FMO4: variants seen among roughly 807,000 people sequenced by gnomAD.
FMO4 encodes dimethylaniline monooxygenase [N-oxide-forming] 4.
A neutral mutation model predicts 43.3 loss-of-function variants in FMO4; 38 were observed. That is an observed-to-expected ratio of 0.88 (90% CI 0.68 to 1.15). FMO4 has a LOEUF of 1.15. FMO4 is among the 50% of genes most tolerant of loss of function. The pLI is 0.00. For synonymous variants in FMO4, 224 were observed against 232.2 expected (o/e 0.96, Z 0.32); for missense variants, 631 against 663.3 (o/e 0.95, Z 0.54).
Position 171,316,503 on chromosome 1 carries a change from C to G in FMO4, c.-9+176C>G, listed in dbSNP as rs186936841. On this transcript the variant is annotated intron_variant, in intron 2 of 9. Transcript: ENST00000367749. ...AAGTAATATCAAGTTTTTTAAAATG[C>G]AAACAATCCTTCAACATAGATATTT... is the stretch of plus-strand genomic sequence containing the variant. 2.6e-5 allele frequency among the ~76,000 whole-genome samples: 4 copies of G among 152,112 alleles called. No individual in the cohort carries two copies. In the East Asian group the frequency reaches 7.7e-4, roughly 29 times the overall value.
Position 171,319,914 on chromosome 1 carries a change from G to A in FMO4, c.89G>A (p.Cys30Tyr). Residue 30 changes from cysteine (C) to tyrosine (Y), a missense_variant, in exon 3 of 10, where the codon TGC becomes TAC. Physicochemically the swap from Cys to Tyr is radical, Grantham distance 194 (BLOSUM62 -2). Transcript: ENST00000367749. ...GTGGATGAGGACCTGGAGCCCACCT[G>A]CTTTGAGAGAAGTGATGACATTGGG... ...CCVDEDLEPT[C>Y]FERSDDIGGL... 6.2e-7 allele frequency: 1 copy of A among 1,613,890 alleles called. No individual in the cohort carries two copies. Among genetic ancestry groups the A allele is most frequent in the Non-Finnish European group, 8.5e-7 (1 of 1,179,822 alleles).
chr1:171,342,073 T>G lies in FMO4; in HGVS notation c.*234T>G. The G allele has an allele frequency of 2.1e-6, 1 of 483,690 alleles. No individual in the cohort carries two copies. Among genetic ancestry groups the G allele is most frequent in the South Asian group, 2.7e-5 (1 of 37,364 alleles). The allele number at this position is 483,690 out of a possible 1,614,324, so 30.0% of individuals were successfully genotyped here. A position where few individuals can be genotyped will look rare whatever the true frequency, so the allele number is the denominator to read the frequency against. ...GTGATTATTCTAAAATAAATATATA[T>G]GATATGGTTTAGCTGTGTCCCCACC... is the stretch of plus-strand genomic sequence containing the variant. On this transcript the variant is annotated 3_prime_UTR_variant, in exon 10 of 10. Transcript: ENST00000367749.
chr1:171,319,857 G>T lies in FMO4; in HGVS notation c.32G>T (p.Gly11Val), dbSNP rs770560362. 6.2e-7 allele frequency: 1 copy of T among 1,613,918 alleles called. No homozygotes were observed. Among genetic ancestry groups the T allele is most frequent in the Admixed American group, 1.7e-5 (1 of 60,010 alleles). ...AAGAAAGTTGCAGTGATTGGAGCTG[G>T]TGTGAGTGGCCTCTCCTCCATCAAA... is the stretch of plus-strand genomic sequence containing the variant. The part of the protein sequence containing the change: MAKKVAVIGA[G>V]VSGLSSIKCC... The change falls in exon 3 of 10, where the codon GGT (glycine) becomes GTT (valine). Residue 11 changes from glycine (G) to valine (V), a missense_variant. Physicochemically the swap from Gly to Val is moderately radical, Grantham distance 109 (BLOSUM62 -3). Transcript: ENST00000367749.
intron 3 of FMO4, 26 bp from the exon 4 acceptor site, chr1:171,322,975 CCAA>C (rs772050924): frequency 1.9e-6 from 3 of 1,577,102 alleles, no homozygotes; most frequent in South Asian, 1.1e-5. Flanking sequence ...CTCCATTATC[CCAA>C]CAAGCTAACT....
chr1:171,319,672 C>T, intron 2 of FMO4, 146 bp from the exon 3 acceptor site: 1 of 638,894 alleles, frequency 1.6e-6, no homozygotes, highest in South Asian at 2.0e-5. Context: ...GATTTCAGAG[C>T]CTGGATTTTT....
chr1:171,321,142 T>G (rs1662406292), intron 3 of FMO4, among the ~76,000 whole-genome samples: 1 of 152,214 alleles, frequency 6.6e-6, no homozygotes, highest in African/African-American at 2.4e-5. Flanking sequence ...CTTCTGCTAT[T>G]TGACCCCACA....
rs1663396476 is a variant in FMO4, at chr1:171,341,957, C to T, written c.*118C>T. On this transcript the variant is annotated 3_prime_UTR_variant, in exon 10 of 10. Transcript: ENST00000367749. ...TAGCCAAATTCAGGCCCAGTCATCT[C>T]CTATCTGAATTATTGTATTATCTTC... 8.5e-6 allele frequency: 6 copies of T among 709,442 alleles called. No individual in the cohort carries two copies. Among genetic ancestry groups the T allele is most frequent in the East Asian group, 8.0e-5 (3 of 37,498 alleles). The allele number at this position is 709,442 out of a possible 1,614,324, so 43.9% of individuals were successfully genotyped here. A position where few individuals can be genotyped will look rare whatever the true frequency, so the allele number is the denominator to read the frequency against.
intron 2 of FMO4, among the ~76,000 whole-genome samples, chr1:171,317,223 A>G (rs1183085984): frequency 6.6e-6 from 1 of 152,178 alleles, no homozygotes; most frequent in East Asian, 1.9e-4. Flanking sequence ...CAAAAAATAT[A>G]TGCTCTCTTG....
In FMO4 at chr1:171,334,411, GA is replaced by G. The variant is rs1663023525; in HGVS notation, c.834del (p.Ala279GlnfsTer5). On this transcript the variant is annotated frameshift_variant and splice_region_variant, in exon 8 of 10. Coordinates refer to ENST00000367749, the MANE Select transcript of FMO4 (RefSeq NM_002022.3). LOFTEE classifies it high-confidence loss of function. ...AATAATTTTCTCCTGTGTGTCAAAG[GA>G]AAAAAGCAAAATTCATTGTGAATGA... is the stretch of plus-strand genomic sequence containing the variant. ...EDYGLSITKG[K>X]KAKFIVNDEL... 2 of 1,557,696 alleles carry G rather than the reference GA, an allele frequency of 1.3e-6. No homozygotes were observed. The highest frequency in any genetic ancestry group is 1.7e-6 in the Non-Finnish European group (2 of 1,155,708).
intron 5 of FMO4, among the ~76,000 whole-genome samples, chr1:171,328,096 G>A (rs548537025): frequency 1.4e-3 from 206 of 152,096 alleles, no homozygotes; most frequent in African/African-American, 4.6e-3. Flanking sequence ...GCTGGAGTTC[G>A]ATGGCATGAT....
chr1:171,341,797 G>A lies in FMO4; in HGVS notation c.1635G>A (p.Gln545=). ...LFLKLVRDKL[Q]DRMSPYLVSL... Reference sequence around the variant, plus strand: ...TGAAATTGGTGAGAGATAAACTACAGGACAGAATGTCCCCTTACCTAGTAA... The same window carrying A: ...TGAAATTGGTGAGAGATAAACTACAAGACAGAATGTCCCCTTACCTAGTAA... The change falls in exon 10 of 10, where the codon CAG becomes CAA. Residue 545 remains glutamine, a synonymous_variant. Transcript: ENST00000367749. 6.2e-7 allele frequency: 1 copy of A among 1,613,702 alleles called. No homozygotes were observed.
chr1:171,333,085 C>A, intron 7 of FMO4, 177 bp downstream of exon 7: 1 of 485,638 alleles, frequency 2.1e-6, no homozygotes, highest in Non-Finnish European at 3.6e-6. Context: ...TATATGTATT[C>A]TCTTTCTGGT....
At chr1:171,329,722 C>G (rs1256394403) in intron 5 of FMO4, among the ~76,000 whole-genome samples, 1 of 152,146 alleles carries the variant, frequency 6.6e-6, no homozygotes, top group Non-Finnish European at 1.5e-5. Context: ...CTGTCAATTT[C>G]CAACTCCTAG....
chr1:171,319,796 C>G, intron 2 of FMO4, 22 bp from the exon 3 acceptor site: 2 of 1,610,130 alleles, frequency 1.2e-6, no homozygotes. Context: ...TAAAGAAGTT[C>G]TGCTTGACTT....
chr1:171,341,889 G>A lies in FMO4; in HGVS notation c.*50G>A. The A allele has an allele frequency of 6.8e-7, 1 of 1,467,082 alleles. No homozygotes were observed. Among genetic ancestry groups the A allele is most frequent in the South Asian group, 1.3e-5 (1 of 79,208 alleles). 90.9% of individuals were successfully genotyped at this position (1,467,082 alleles called of 1,614,324 possible). ...AAAGTCATGCTAATTCTATCTCCAA[G>A]TATCTTGTGCATCCCTCCTCTGCTC... On this transcript the variant is annotated 3_prime_UTR_variant, in exon 10 of 10. Transcript: ENST00000367749.
intron 8 of FMO4, among the ~76,000 whole-genome samples, chr1:171,336,881 C>T (rs1175935447): frequency 6.6e-6 from 1 of 152,026 alleles, no homozygotes; most frequent in Non-Finnish European, 1.5e-5. Context: ...GGGTTATAGG[C>T]ATGAGCCACT....
intron 5 of FMO4, among the ~76,000 whole-genome samples, chr1:171,328,087 C>CA (rs1662739968): frequency 6.6e-6 from 1 of 152,080 alleles, no homozygotes; most frequent in African/African-American, 2.4e-5. Context: ...GTTCCCCAGG[C>CA]TGGAGTTCGA....
At position 171,341,503 on chromosome 1, in the gene FMO4, C is replaced by A; in HGVS notation, c.1341C>A (p.Ile447=). The A allele has an allele frequency of 6.2e-7, 1 of 1,614,008 alleles. No individual in the cohort carries two copies. Among genetic ancestry groups the A allele is most frequent in the South Asian group, 1.1e-5 (1 of 91,080 alleles). Residue 447 remains isoleucine, a synonymous_variant, in exon 10 of 10, where the codon ATC becomes ATA. Coordinates refer to ENST00000367749, the MANE Select transcript of FMO4 (RefSeq NM_002022.3). ...CCTGCATAGGCACAAAGCCCAGCATCCCACTTCTGTTCCTCAAGGATCCCA... is the reference window on the plus strand; with the variant it reads ...CCTGCATAGGCACAAAGCCCAGCATACCACTTCTGTTCCTCAAGGATCCCA... ...IAACIGTKPS[I]PLLFLKDPRL... is the part of the protein sequence containing the mutation.
At chr1:171,323,230 G>A (rs1571394180) in intron 4 of FMO4, 38 bp downstream of exon 4, 1 of 1,359,090 alleles carries the variant, frequency 7.4e-7, no homozygotes, top group Non-Finnish European at 1.0e-6. Context: ...AATAGATGGG[G>A]GCTGGCCTAT....
Sources: gnomAD v4.1 joint callset for allele counts (sites outside exome capture counted in the v4.1 genomes callset) on GRCh38, gnomAD v4.1.1 for gene constraint, MANE v1.5 for transcripts, NCBI Gene and HGNC (gene_info 2026-07-23, HGNC 2026-07-21) for gene names.